Variants in MCM7 observed in about 807,000 individuals in gnomAD.
The protein encoded by MCM7 is minichromosome maintenance complex component 7.
Under a neutral mutation model 83.5 loss-of-function variants are expected in MCM7, and 95 were observed. That is an observed-to-expected ratio of 1.14 (90% CI 0.96 to 1.35). The LOEUF (loss-of-function observed/expected upper bound fraction) is 1.35. Ranked by LOEUF, MCM7 falls within the 40% of genes most tolerant of loss-of-function variation. The pLI, the probability that MCM7 is intolerant of heterozygous loss-of-function variation, is 0.00. For synonymous variants in MCM7, 461 were observed against 352.7 expected (o/e 1.31, Z -3.44); for missense variants, 1,087 against 957.4 (o/e 1.14, Z -1.79).
Position 100,099,647 on chromosome 7 carries a change from T to C in MCM7, c.218A>G (p.Tyr73Cys). Residue 73 changes from tyrosine to cysteine, a missense_variant, in exon 3 of 15, where the codon TAC (tyrosine) becomes TGC (cysteine). Tyr to Cys is a radical substitution (Grantham distance 194). Transcript: ENST00000303887. ...VDSICENARR[Y>C]AKLFADAVQE... is the part of the protein sequence containing the mutation. Reference sequence around the variant, plus strand: ...TACGGCATCAGCAAAGAGCTTCGCGTAGCGCCTGGCATTCTCACAAATTGA... The same window carrying C: ...TACGGCATCAGCAAAGAGCTTCGCGCAGCGCCTGGCATTCTCACAAATTGA... 2 of 1,614,200 alleles carry C rather than the reference T, an allele frequency of 1.2e-6. No individual in the cohort carries two copies. The highest frequency in any genetic ancestry group is 1.7e-6 in the Non-Finnish European group (2 of 1,180,044).
Position 100,094,294 on chromosome 7 carries a change from G to C in MCM7, c.1727C>G (p.Ser576Cys). 6.2e-7 allele frequency: 1 copy of C among 1,614,184 alleles called. No individual in the cohort carries two copies. The highest frequency in any genetic ancestry group is 8.5e-7 in the Non-Finnish European group (1 of 1,180,040). Residue 576 changes from serine (S) to cysteine (C), a missense_variant, in exon 13 of 15, where the codon TCT (serine) becomes TGT (cysteine). Physicochemically the swap from Ser to Cys is moderately radical, Grantham distance 112 (BLOSUM62 -1). Transcript: ENST00000303887. ...TGCTGCTGTGATGTAGTCAGCCAGA[G>C]ACTCTGGCACCATGGGCTGCTTCTC... ...CREKQPMVPE[S>C]LADYITAAYV...
chr7:100,101,323 G>C lies in MCM7; in HGVS notation c.-29C>G. The stretch of plus-strand genomic sequence containing the variant: ...TGCCGAGGGCCGTGCGGCCGCGCTT[G>C]GCGGGCTCAGAGGTCTTGCTCCTGG... On this transcript the variant is annotated 5_prime_UTR_variant, in exon 1 of 15. Coordinates refer to ENST00000303887, the MANE Select transcript of MCM7 (RefSeq NM_005916.5). 1 of 1,612,902 alleles carries C rather than the reference G, an allele frequency of 6.2e-7. No individual in the cohort carries two copies. Among genetic ancestry groups the C allele is most frequent in the Non-Finnish European group, 8.5e-7 (1 of 1,179,840 alleles).
chr7:100,096,918 G>A (rs80026394), intron 10 of MCM7, among the ~76,000 whole-genome samples: 5,108 of 151,718 alleles, frequency 0.034, 119 homozygotes, highest in Non-Finnish European at 0.051. Flanking sequence ...TGGCTAACAC[G>A]GTGAAACCCC....
intron 5 of MCM7, 41 bp from the exon 6 acceptor site, chr7:100,098,756 A>C: frequency 6.2e-7 from 1 of 1,610,964 alleles, no homozygotes; most frequent in African/African-American, 1.3e-5. Flanking sequence ...ACTCAGAAGG[A>C]AAAGAGCCCC....
intron 11 of MCM7, 87 bp downstream of exon 11, chr7:100,095,687 C>G: frequency 6.7e-7 from 1 of 1,483,678 alleles, no homozygotes; most frequent in Non-Finnish European, 9.0e-7. Context: ...TTTCCAGGAG[C>G]GTGGAATTTG....
In MCM7 at chr7:100,098,297, G is replaced by A. The variant is rs751167659; in HGVS notation, c.721-7C>T. 2 of 1,613,754 alleles carry A rather than the reference G, an allele frequency of 1.2e-6. No individual in the cohort carries two copies. The highest frequency in any genetic ancestry group is 2.2e-5 in the East Asian group (1 of 44,900). On this transcript the variant is annotated splice_region_variant and splice_polypyrimidine_tract_variant and intron_variant, in intron 6 of 14. Coordinates refer to ENST00000303887, the MANE Select transcript of MCM7 (RefSeq NM_005916.5). ...CCACAGGCACCTGATCACTCTAGGG[G>A]AGGGAAAGGCACATAAGACTAGGAG... is the stretch of plus-strand genomic sequence containing the variant.
chr7:100,094,657 CAT>C (rs774516090), intron 12 of MCM7, among the ~76,000 whole-genome samples: 28 of 152,046 alleles, frequency 1.8e-4, no homozygotes, highest in Non-Finnish European at 3.8e-4. Context: ...CATGGCAAAA[CAT>C]ATATTTTATT....
chr7:100,100,954 T>A (rs1795981384), intron 1 of MCM7: 2 of 1,014,710 alleles, frequency 2.0e-6, no homozygotes, highest in Non-Finnish European at 2.6e-6. Flanking sequence ...CCCTTAAGAC[T>A]CTCCTGAGGT....
chr7:100,099,997 C>T lies in MCM7; in HGVS notation c.111+17G>A, dbSNP rs1224127872. 5 of 1,610,050 alleles carry T rather than the reference C, an allele frequency of 3.1e-6. No homozygotes were observed. The African/African-American group carries it at 4.0e-5, about 13-fold the overall frequency. On this transcript the variant is annotated intron_variant, in intron 2 of 14. Transcript: ENST00000303887. Reference sequence around the variant, plus strand: ...AGCACCCCGCTCCCCATTCCCTTTACCCAATCTTAGACTTACCAACTGGTT... The same window carrying T: ...AGCACCCCGCTCCCCATTCCCTTTATCCAATCTTAGACTTACCAACTGGTT...
chr7:100,100,913 C>T, intron 1 of MCM7: 31 of 1,061,986 alleles, frequency 2.9e-5, no homozygotes, highest in Non-Finnish European at 3.4e-5. Context: ...TGCCCAAAAG[C>T]GCGAAGGAAA....
intron 9 of MCM7, 56 bp downstream of exon 9, chr7:100,097,557 CT>C: frequency 6.2e-7 from 1 of 1,610,838 alleles, no homozygotes; most frequent in Non-Finnish European, 8.5e-7. Context: ...ACTTGTCATC[CT>C]TTTTTCCTCC....
In MCM7 at chr7:100,095,953, G is replaced by A. The variant is rs2307354; in HGVS notation, c.1416C>T (p.Ala472=). The change falls in exon 11 of 15, where the codon GCC becomes GCT. Residue 472 remains alanine (A), a synonymous_variant. Coordinates refer to ENST00000303887, the MANE Select transcript of MCM7 (RefSeq NM_005916.5). ...GGGCATTGAGTGTGGTGAGAATGCC[G>A]GCCTTGGCAATGGAGATGGTCTGCT... ...MEQQTISIAK[A]GILTTLNARC... 356 of 1,614,058 alleles carry A rather than the reference G, an allele frequency of 2.2e-4. 4 individuals carry two copies. The South Asian group carries it at 3.6e-3, about 16-fold the overall frequency.
rs777532728 is a variant in MCM7 at position 100,094,349 on chromosome 7, G to A, written c.1680-8C>T. The A allele has an allele frequency of 8.7e-6, 14 of 1,613,858 alleles. 1 individual carries two copies. The Admixed American group carries it at 2.2e-4, about 25-fold the overall frequency. ...CACATGGCTATGTAACGCCTGTGGG[G>A]GAAGGTTCATGGGGAAGCAGAAGAG... is the stretch of plus-strand genomic sequence containing the variant. On this transcript the variant is annotated splice_polypyrimidine_tract_variant and splice_region_variant and intron_variant, in intron 12 of 14. Transcript: ENST00000303887.
intron 6 of MCM7, 117 bp from the exon 7 acceptor site, chr7:100,098,407 G>T: frequency 6.7e-7 from 1 of 1,483,630 alleles, no homozygotes. Flanking sequence ...GCCCACAGCA[G>T]GGGTGCTGAG....
chr7:100,094,341 C>T lies in MCM7; in HGVS notation c.1680G>A (p.Arg560=). Residue 560 remains arginine, a splice_region_variant and synonymous_variant, in exon 13 of 15, where the codon AGG becomes AGA. Coordinates refer to ENST00000303887, the MANE Select transcript of MCM7 (RefSeq NM_005916.5). ...QFEPLDMKLM[R]RYIAMCREKQ... ...TCTCGCGGCACATGGCTATGTAACG[C>T]CTGTGGGGGAAGGTTCATGGGGAAG... 5 of 1,613,878 alleles carry T rather than the reference C, an allele frequency of 3.1e-6. No homozygotes were observed. Among genetic ancestry groups the T allele is most frequent in the Non-Finnish European group, 4.2e-6 (5 of 1,180,004 alleles).
In MCM7 at chr7:100,092,948, C is replaced by T. The variant is rs758843798; in HGVS notation, c.2144G>A (p.Arg715Gln). The T allele has an allele frequency of 1.1e-5, 17 of 1,614,060 alleles. 1 individual carries two copies. The highest frequency in any genetic ancestry group is 5.3e-5 in the African/African-American group (4 of 74,930). The stretch of plus-strand genomic sequence containing the variant: ...AGGCTGGAATCAGACAAAAGTGATC[C>T]GTGTCCGGGAAGCATTGACCTGCCA... ...NVWQVNASRT[R>Q]ITFV is the part of the protein sequence containing the mutation. Residue 715 changes from arginine (R) to glutamine (Q), a missense_variant, in exon 15 of 15, where the codon CGG (arginine) becomes CAG (glutamine). By Grantham distance (43) the Arg-to-Gln change is conservative (BLOSUM62 1). Coordinates refer to ENST00000303887, the MANE Select transcript of MCM7 (RefSeq NM_005916.5).
chr7:100,099,120 G>A lies in MCM7; in HGVS notation c.485C>T (p.Thr162Ile). Residue 162 changes from threonine (T) to isoleucine (I), a missense_variant, in exon 5 of 15, where the codon ACT becomes ATT. By Grantham distance (89) the Thr-to-Ile change is moderately conservative. Transcript: ENST00000303887. ...GACACGAGTGACGATTCCACGCACA[G>A]TTACCAACTTCCCCACAGAGTCAGC... is the stretch of plus-strand genomic sequence containing the variant. ...VRADSVGKLV[T>I]VRGIVTRVSE... 6.2e-7 allele frequency: 1 copy of A among 1,614,124 alleles called. No homozygotes were observed. The highest frequency in any genetic ancestry group is 8.5e-7 in the Non-Finnish European group (1 of 1,180,036).
chr7:100,100,134 G>A (rs771942191), intron 1 of MCM7, 41 bp from the exon 2 acceptor site: 63 of 1,606,802 alleles, frequency 3.9e-5, no homozygotes, highest in Middle Eastern at 1.6e-4. Context: ...CAAACTTTAA[G>A]ACAAATCTTA....
intron 9 of MCM7, 72 bp downstream of exon 9, chr7:100,097,542 G>A (rs1795703295): frequency 1.2e-6 from 2 of 1,606,960 alleles, no homozygotes; most frequent in African/African-American, 2.7e-5. Context: ...GTGACCTACA[G>A]GGACACTTGT....
Sources: allele counts gnomAD v4.1 joint callset (sites outside exome capture counted in the v4.1 genomes callset), GRCh38; gene constraint gnomAD v4.1.1; transcripts MANE v1.5; gene names NCBI Gene and HGNC (gene_info 2026-07-23, HGNC 2026-07-21).